Variants in MICAL3 observed in about 807,000 individuals in gnomAD.
MICAL3 encodes microtubule associated monooxygenase, calponin and LIM domain containing 3.
MICAL3 carries 62 observed loss-of-function variants against 207.4 expected under a neutral mutation model. The ratio of observed to expected loss-of-function variants is 0.30; its 90% CI spans 0.24 to 0.37. The LOEUF (loss-of-function observed/expected upper bound fraction) is 0.37, where lower values mean the gene tolerates loss of function less well. Among genes scored for constraint, MICAL3 ranks in the 10% least tolerant of loss-of-function variants. The probability of loss-of-function intolerance (pLI) is 1.00; values close to 1 mark genes in which losing one functional copy is unlikely to be tolerated. For synonymous variants in MICAL3, 1,077 were observed against 1,069.3 expected, an observed-to-expected ratio of 1.01 and a Z score of -0.14; for missense variants, 2,368 against 2,635.6, an observed-to-expected ratio of 0.90 and a Z score of 2.22.
intron 19 of MICAL3, chr22:17,863,094 C>T (rs1926689962): frequency 4.1e-6 from 4 of 985,260 alleles, no homozygotes; most frequent in Admixed American, 6.1e-5. Flanking sequence ...CTATGGAAAG[C>T]GTAATTCTTT....
intron 1 of MICAL3, among the ~76,000 whole-genome samples, chr22:17,908,810 G>A (rs982186999): frequency 3.3e-5 from 5 of 152,180 alleles, no homozygotes; most frequent in Non-Finnish European, 7.3e-5. Flanking sequence ...GATGCACTAC[G>A]TTCAGCAGGC....
In MICAL3 at chr22:17,831,838, G is replaced by C. The variant is rs1405734152; in HGVS notation, c.3055+16C>G. The C allele has an allele frequency of 1.8e-5, 28 of 1,548,984 alleles. No individual in the cohort carries two copies. Among genetic ancestry groups the C allele is most frequent in the Non-Finnish European group, 2.3e-5 (26 of 1,145,908 alleles). On this transcript the variant is annotated intron_variant, in intron 21 of 31. Transcript: ENST00000441493. ...GGGGGGCAGGGCAGAGTTCGGAGCA[G>C]AGATTTTGTTCTGACCTTCACTGGA...
Position 17,817,835 on chromosome 22 carries a change from A to G in MICAL3, c.4826T>C (p.Leu1609Pro). The G allele has an allele frequency of 6.2e-7, 1 of 1,611,618 alleles. No individual in the cohort carries two copies. Among genetic ancestry groups the G allele is most frequent in the Non-Finnish European group, 8.5e-7 (1 of 1,179,458 alleles). The change falls in exon 26 of 32, where the codon CTG becomes CCG. Residue 1609 changes from leucine to proline, a missense_variant. By Grantham distance (98) the Leu-to-Pro change is moderately conservative. Around this residue, in one of 4 missense-constraint regions of MICAL3, gnomAD observed 1,770 missense variants for 1,863.2 expected, o/e 0.95. Coordinates refer to ENST00000441493, the MANE Select transcript of MICAL3 (RefSeq NM_015241.3). The stretch of plus-strand genomic sequence containing the variant: ...CAGCTGCCTGGCCATGGCGTCCCGC[A>G]GCGCCTGGCTCTTCACGGACTTCTC... ...AREKSVKSQA[L>P]RDAMARQLSR...
At chr22:17,850,601 G>A (rs1925222200) in intron 19 of MICAL3, among the ~76,000 whole-genome samples, 1 of 151,640 alleles carries the variant, frequency 6.6e-6, no homozygotes, top group African/African-American at 2.4e-5. Context: ...TAGTAGAGAT[G>A]AGGTTTTACC....
At chr22:17,934,465 A>G (rs1246342807) in intron 1 of MICAL3, among the ~76,000 whole-genome samples, 2 of 152,226 alleles carry the variant, frequency 1.3e-5, no homozygotes, top group East Asian at 1.9e-4. Context: ...TCTGAAAATA[A>G]TAAGAGTTAT....
rs1296561535 is a variant in MICAL3 at position 17,904,738 on chromosome 22, G to A, written c.366C>T (p.Ser122=). 3 of 1,613,662 alleles carry A rather than the reference G, an allele frequency of 1.9e-6. No individual in the cohort carries two copies. Among genetic ancestry groups the A allele is most frequent in the Non-Finnish European group, 2.5e-6 (3 of 1,179,722 alleles). Residue 122 remains serine (S), a synonymous_variant, in exon 3 of 32, where the codon TCC becomes TCT. Coordinates refer to ENST00000441493, the MANE Select transcript of MICAL3 (RefSeq NM_015241.3). ...VVVIEKRDAF[S]RNNVLHLWPF... ...GCCAGAGATGCAAGACGTTGTTGCGGGAGAAGGCATCTCGTTTCTCAATAA... is the reference window on the plus strand; with the variant it reads ...GCCAGAGATGCAAGACGTTGTTGCGAGAGAAGGCATCTCGTTTCTCAATAA...
At chr22:17,859,530 G>T (rs548073120) in intron 19 of MICAL3, among the ~76,000 whole-genome samples, 32 of 152,362 alleles carry the variant, frequency 2.1e-4, no homozygotes, top group Non-Finnish European at 3.2e-4. Flanking sequence ...TTTTAATGCA[G>T]GCTAGTCCCT....
At chr22:18,010,317 A>G (rs112339121) in intron 1 of MICAL3, among the ~76,000 whole-genome samples, 19,371 of 151,562 alleles carry the variant, frequency 0.13, 1,363 homozygotes, top group Middle Eastern at 0.17. Flanking sequence ...TGATTTAAGC[A>G]TCTGAGTCTT....
chr22:18,019,266 G>C (rs1924275961), intron 1 of MICAL3: 1 of 153,842 alleles, frequency 6.5e-6, no homozygotes. Context: ...ATTAATGGTT[G>C]TATTATTGTG....
chr22:17,878,417 T>C (rs1867354), intron 16 of MICAL3, among the ~76,000 whole-genome samples: 71,477 of 151,936 alleles, frequency 0.47, 18,359 homozygotes, highest in African/African-American at 0.69. Context: ...GTCTCCACTC[T>C]CCGACCCAGC....
intron 29 of MICAL3, among the ~76,000 whole-genome samples, chr22:17,807,585 G>A (rs1418354067): frequency 1.3e-5 from 2 of 152,182 alleles, no homozygotes; most frequent in Non-Finnish European, 2.9e-5. Context: ...TTTGACTGAA[G>A]GTCATCACTG....
At chr22:17,795,812 C>T (rs2061870195) in intron 29 of MICAL3, among the ~76,000 whole-genome samples, 1 of 135,900 alleles carries the variant, frequency 7.4e-6, no homozygotes. Context: ...CCAATCAATA[C>T]AATTTTCAAA....
chr22:17,962,485 T>G (rs1350134974), intron 1 of MICAL3, among the ~76,000 whole-genome samples: 1 of 151,988 alleles, frequency 6.6e-6, no homozygotes, highest in Non-Finnish European at 1.5e-5. Context: ...GACAGGAGCC[T>G]TCAAAGCAGC....
At chr22:17,991,129 T>C (rs1464101988) in intron 1 of MICAL3, among the ~76,000 whole-genome samples, 1 of 152,206 alleles carries the variant, frequency 6.6e-6, no homozygotes, top group Non-Finnish European at 1.5e-5. Context: ...TGCCAGGACG[T>C]GCCACAACTG....
At chr22:17,816,610 C>T in intron 27 of MICAL3, 80 bp downstream of exon 27, 1 of 1,179,726 alleles carries the variant, frequency 8.5e-7, no homozygotes, top group South Asian at 1.3e-5. Context: ...GTTTGCTCTC[C>T]CTCTCCTCTA....
chr22:17,970,071 C>G (rs369818547), intron 1 of MICAL3, among the ~76,000 whole-genome samples: 3 of 152,190 alleles, frequency 2.0e-5, no homozygotes, highest in Non-Finnish European at 4.4e-5. Context: ...GGCCGTTGCT[C>G]CAGCCGCTCC....
At chr22:17,929,568 C>CTTTT (rs67222681) in intron 1 of MICAL3, among the ~76,000 whole-genome samples, 1,872 of 108,862 alleles carry the variant, frequency 0.017, 107 homozygotes, top group Non-Finnish European at 0.023. Context: ...CTTTTCTTTT[C>CTTTT]TTTTTTTTTT....
At chr22:17,946,958 T>C (rs1934100996) in intron 1 of MICAL3, among the ~76,000 whole-genome samples, 1 of 152,240 alleles carries the variant, frequency 6.6e-6, no homozygotes, top group Non-Finnish European at 1.5e-5. Context: ...GGGAGGGCCC[T>C]GCTATCGCCT....
Position 17,818,483 on chromosome 22 carries a change from T to G in MICAL3, c.4178A>C (p.Lys1393Thr). 6.2e-7 allele frequency: 1 copy of G among 1,612,844 alleles called. No homozygotes were observed. The highest frequency in any genetic ancestry group is 1.7e-5 in the Admixed American group (1 of 60,030). ...LSIPKRLGLP[K>T]PEGEPLSLPT... ...CAGGGACAACGGCTCGCCTTCCGGC[T>G]TTGGCAGGCCCAGCCTTTTGGGGAT... Residue 1393 changes from lysine to threonine, a missense_variant, in exon 26 of 32, where the codon AAG (lysine) becomes ACG (threonine). Coordinates refer to ENST00000441493, the MANE Select transcript of MICAL3 (RefSeq NM_015241.3).
Sources: allele counts gnomAD v4.1 joint callset (sites outside exome capture counted in the v4.1 genomes callset), GRCh38; gene constraint gnomAD v4.1.1; regional missense constraint gnomAD v4.1.1; transcripts MANE v1.5; gene names NCBI Gene and HGNC (gene_info 2026-07-23, HGNC 2026-07-21).